MICU2: variants seen among roughly 807,000 people sequenced by gnomAD.
MICU2 encodes the protein calcium uptake protein 2, mitochondrial.
In MICU2, 64 loss-of-function variants were observed where a neutral mutation model predicts 60.4. That is an observed-to-expected ratio of 1.06 (90% confidence interval 0.87 to 1.31). The LOEUF (loss-of-function observed/expected upper bound fraction) is 1.31, where lower values mean the gene tolerates loss of function less well. Among genes scored for constraint, MICU2 ranks in the 50% most tolerant of loss-of-function variants. The pLI is 0.00. For missense variants in MICU2, 569 were observed against 531.0 expected, an observed-to-expected ratio of 1.07 and a Z score of -0.70; for synonymous variants, 201 against 175.0, an observed-to-expected ratio of 1.15 and a Z score of -1.17.
At chr13:21,515,238 T>A (rs113933361) in intron 6 of MICU2, among the ~76,000 whole-genome samples, 1 of 151,994 alleles carries the variant, frequency 6.6e-6, no homozygotes, top group African/African-American at 2.4e-5. Context: ...CCCGCCACCA[T>A]GCCTGGCTAA....
chr13:21,572,690 G>A (rs1888138963), intron 1 of MICU2, among the ~76,000 whole-genome samples: 1 of 152,120 alleles, frequency 6.6e-6, no homozygotes. Context: ...TTCCTTTCCA[G>A]GAGGACCTCG....
At chr13:21,565,301 G>A (rs1281490332) in intron 2 of MICU2, among the ~76,000 whole-genome samples, 1 of 152,128 alleles carries the variant, frequency 6.6e-6, no homozygotes, top group African/African-American at 2.4e-5. Context: ...GCCAAGGGGG[G>A]TGGATTACCT....
At chr13:21,583,246 A>C (rs751703201) in intron 1 of MICU2, among the ~76,000 whole-genome samples, 12 of 152,224 alleles carry the variant, frequency 7.9e-5, no homozygotes, top group African/African-American at 2.9e-4. Flanking sequence ...CCTTGTCTAT[A>C]TAAGTAGAAA....
intron 9 of MICU2, among the ~76,000 whole-genome samples, chr13:21,500,858 T>C (rs958653078): frequency 6.6e-6 from 1 of 152,208 alleles, no homozygotes; most frequent in African/African-American, 2.4e-5. Context: ...AGGCAACAGA[T>C]TTTAATTTTT....
intron 4 of MICU2, among the ~76,000 whole-genome samples, chr13:21,525,801 T>TTA (rs1886839565): frequency 6.6e-6 from 1 of 152,002 alleles, no homozygotes; most frequent in Non-Finnish European, 1.5e-5. Context: ...TTATCCCTTA[T>TTA]TATATATATG....
intron 8 of MICU2, among the ~76,000 whole-genome samples, chr13:21,507,250 A>G (rs1282512171): frequency 6.6e-6 from 1 of 152,232 alleles, no homozygotes; most frequent in African/African-American, 2.4e-5. Context: ...TAAGAATTCT[A>G]AACAAAATCA....
rs1888639523 is a variant in MICU2, at chr13:21,593,913, A to C, written c.210+10026T>G. Among the ~76,000 whole-genome samples the C allele has an allele frequency of 2.0e-5, 3 of 152,250 alleles. No homozygotes were observed. In the South Asian group the frequency reaches 6.2e-4, roughly 31 times the overall value. On this transcript the variant is annotated intron_variant, in intron 1 of 11. Coordinates refer to ENST00000382374, the MANE Select transcript of MICU2 (RefSeq NM_152726.3). ...GGATTAAGACTTAAATGTAAAATCC[A>C]AAACCATAAAAACCCTAATAGAAAA... is the stretch of plus-strand genomic sequence containing the variant.
intron 4 of MICU2, among the ~76,000 whole-genome samples, chr13:21,526,648 G>A (rs1361968917): frequency 6.6e-6 from 1 of 152,136 alleles, no homozygotes; most frequent in Non-Finnish European, 1.5e-5. Flanking sequence ...GATCAAAGAT[G>A]TCACAGAGGA....
At chr13:21,557,272 A>G (rs1224418724) in intron 2 of MICU2, among the ~76,000 whole-genome samples, 3 of 152,182 alleles carry the variant, frequency 2.0e-5, no homozygotes, top group Admixed American at 2.0e-4. Flanking sequence ...ATAAGAATGA[A>G]GGTCACTGGA....
chr13:21,508,364 A>C (rs961341950), intron 8 of MICU2, among the ~76,000 whole-genome samples: 2 of 151,306 alleles, frequency 1.3e-5, no homozygotes, highest in African/African-American at 2.5e-5. Flanking sequence ...TGACCTCGTG[A>C]TCCACCACCT....
At chr13:21,602,710 G>C (rs1416987922) in intron 1 of MICU2, 3 of 151,984 alleles carry the variant, frequency 2.0e-5, no homozygotes, top group Non-Finnish European at 1.5e-5. Context: ...TACAAATAAG[G>C]AATATCAGTT....
chr13:21,510,014 C>A lies in MICU2; in HGVS notation c.751G>T (p.Glu251Ter). 1.3e-6 allele frequency: 2 copies of A among 1,527,812 alleles called. No individual in the cohort carries two copies. Among genetic ancestry groups the A allele is most frequent in the Non-Finnish European group, 1.8e-6 (2 of 1,142,844 alleles). 94.6% of individuals were successfully genotyped at this position (1,527,812 alleles called of 1,614,324 possible). The change falls in exon 8 of 12, where the codon GAA becomes TAA. Residue 251 changes from glutamate to a stop codon, truncating the protein, a stop_gained. Transcript: ENST00000382374. LOFTEE classifies it high-confidence loss of function. ...KRGQRKLHYK[E>*]FRRFMENLQT... ...AATATTTGCATTTACCTTCGAAATT[C>A]TTTATAATGAAGTTTTCTTTGTCCT...
chr13:21,510,127 AAAT>A, intron 7 of MICU2, 26 bp from the exon 8 acceptor site: 1 of 1,098,190 alleles, frequency 9.1e-7, no homozygotes, highest in Non-Finnish European at 1.2e-6. Context: ...CAATAATTTA[AAAT>A]AATTATAAAT....
chr13:21,546,316 ACCTC>A (rs1887418241), intron 2 of MICU2, among the ~76,000 whole-genome samples: 1 of 135,602 alleles, frequency 7.4e-6, no homozygotes, highest in Non-Finnish European at 1.6e-5. Flanking sequence ...TTTTTTTGCA[ACCTC>A]AAGCATTGTG....
In MICU2 at chr13:21,495,992, A is replaced by G. The variant is rs78521514; in HGVS notation, c.1042+60T>C. Reference sequence around the variant, plus strand: ...TTCCTTGATTGGTAGCATTTAGTTGAAGAATATAGTAAAACTGTTTATAGA... The same window carrying G: ...TTCCTTGATTGGTAGCATTTAGTTGGAGAATATAGTAAAACTGTTTATAGA... On this transcript the variant is annotated intron_variant, in intron 10 of 11. Coordinates refer to ENST00000382374, the MANE Select transcript of MICU2 (RefSeq NM_152726.3). 12,401 of 1,197,280 alleles carry G rather than the reference A, an allele frequency of 0.01. 916 individuals carry two copies. In the African/African-American group the frequency reaches 0.17, roughly 16 times the overall value. 74.2% of individuals were successfully genotyped at this position (1,197,280 alleles called of 1,614,324 possible).
At chr13:21,549,958 A>T (rs1253827677) in intron 2 of MICU2, among the ~76,000 whole-genome samples, 3 of 152,164 alleles carry the variant, frequency 2.0e-5, no homozygotes, top group Non-Finnish European at 4.4e-5. Context: ...TATGAAAAAA[A>T]CCTTCAGGGA....
intron 8 of MICU2, among the ~76,000 whole-genome samples, chr13:21,506,684 T>C (rs1317980353): frequency 6.6e-6 from 1 of 152,210 alleles, no homozygotes; most frequent in East Asian, 1.9e-4. Flanking sequence ...ACATTCATCC[T>C]TTTCCCCACC....
At chr13:21,541,401 GAAT>G (rs1887280832) in intron 2 of MICU2, among the ~76,000 whole-genome samples, 2 of 152,048 alleles carry the variant, frequency 1.3e-5, no homozygotes, top group South Asian at 4.1e-4. Context: ...TGAATTGATT[GAAT>G]AATATAACAC....
chr13:21,511,920 A>T (rs894945429), intron 7 of MICU2, among the ~76,000 whole-genome samples: 1 of 152,038 alleles, frequency 6.6e-6, no homozygotes, highest in African/African-American at 2.4e-5. Flanking sequence ...TTTCATGGTA[A>T]TGGAGTCCCA....
Sources: gnomAD v4.1 joint callset for allele counts (sites outside exome capture counted in the v4.1 genomes callset) on GRCh38, gnomAD v4.1.1 for gene constraint, MANE v1.5 for transcripts, NCBI Gene and HGNC (gene_info 2026-07-23, HGNC 2026-07-21) for gene names.